Variants in MAGI1 observed in about 807,000 individuals in gnomAD.
The protein encoded by MAGI1 is membrane-associated guanylate kinase, WW and PDZ domain-containing protein 1.
MAGI1 carries 58 observed loss-of-function variants against 139.9 expected under a neutral mutation model. The ratio of observed to expected loss-of-function variants is 0.41; its 90% CI spans 0.34 to 0.52. The LOEUF is 0.52. Ranked by LOEUF, MAGI1 falls within the 20% of genes least tolerant of loss-of-function variation. The probability of loss-of-function intolerance (pLI) is 0.12; values close to 1 mark genes in which losing one functional copy is unlikely to be tolerated. For synonymous variants in MAGI1, 812 were observed against 737.9 expected (o/e 1.10, Z -1.63); for missense variants, 1,874 against 1,901.6 (o/e 0.99, Z 0.27).
At chr3:65,548,317 A>G (rs1238535546) in intron 2 of MAGI1, among the ~76,000 whole-genome samples, 1 of 152,024 alleles carries the variant, frequency 6.6e-6, no homozygotes. Flanking sequence ...ATGAGGGACA[A>G]GAGGGGCAGT....
chr3:65,551,100 T>G (rs770007337), intron 2 of MAGI1, among the ~76,000 whole-genome samples: 4 of 152,122 alleles, frequency 2.6e-5, no homozygotes, highest in Non-Finnish European at 5.9e-5. Flanking sequence ...AACTGGATCA[T>G]GGGGGCGATT....
rs144321979 is a variant in MAGI1, at chr3:65,768,703, G to C, written c.314-146615C>G. 9.8e-5 allele frequency among the ~76,000 whole-genome samples: 15 copies of C among 152,322 alleles called. No homozygotes were observed. In the East Asian group the frequency reaches 2.9e-3, roughly 29 times the overall value. On this transcript the variant is annotated intron_variant, in intron 1 of 22. Transcript: ENST00000402939. ...GATGAAATGCAGCAGTGGAGGCTCA[G>C]ATTTTTCCAGTTGTGGTAGAACACA...
intron 1 of MAGI1, among the ~76,000 whole-genome samples, chr3:65,736,814 C>T (rs755317933): frequency 6.6e-6 from 1 of 152,214 alleles, no homozygotes; most frequent in Non-Finnish European, 1.5e-5. Context: ...TCCAGAAACA[C>T]TCTTACAGAT....
At chr3:65,908,600 G>A (rs1360160484) in intron 1 of MAGI1, among the ~76,000 whole-genome samples, 5 of 152,242 alleles carry the variant, frequency 3.3e-5, no homozygotes, top group African/African-American at 4.8e-5. Flanking sequence ...TATTATTTCC[G>A]AATGAAACAA....
intron 5 of MAGI1, among the ~76,000 whole-genome samples, chr3:65,466,018 C>T (rs1404280449): frequency 6.6e-6 from 1 of 152,116 alleles, no homozygotes; most frequent in Non-Finnish European, 1.5e-5. Flanking sequence ...GCTGTTGAAT[C>T]CATCTACTAA....
intron 1 of MAGI1, among the ~76,000 whole-genome samples, chr3:65,766,921 G>C (rs1318925946): frequency 1.3e-5 from 2 of 152,080 alleles, no homozygotes; most frequent in Non-Finnish European, 2.9e-5. Context: ...ATAAGAGAAA[G>C]CACACTAGCC....
intron 1 of MAGI1, among the ~76,000 whole-genome samples, chr3:65,865,457 G>A (rs1394333096): frequency 2.0e-5 from 3 of 152,078 alleles, no homozygotes; most frequent in Non-Finnish European, 4.4e-5. Flanking sequence ...TTAGCCAGGC[G>A]TGGTGGCACA....
intron 1 of MAGI1, among the ~76,000 whole-genome samples, chr3:65,821,830 G>C (rs1171164104): frequency 1.3e-5 from 2 of 152,200 alleles, no homozygotes; most frequent in Admixed American, 6.5e-5. Context: ...AGAGGGCAGA[G>C]AGTGAGATGT....
At chr3:65,622,781 G>A (rs989497689) in intron 1 of MAGI1, among the ~76,000 whole-genome samples, 10 of 151,932 alleles carry the variant, frequency 6.6e-5, no homozygotes, top group South Asian at 2.1e-4. Context: ...AGAACAGGCT[G>A]GTCTCAAACT....
chr3:66,010,454 C>T (rs1045390055), intron 1 of MAGI1, among the ~76,000 whole-genome samples: 5 of 152,180 alleles, frequency 3.3e-5, no homozygotes, highest in Non-Finnish European at 7.3e-5. Flanking sequence ...GCCCAACAAG[C>T]CTGCTTCACT....
intron 4 of MAGI1, among the ~76,000 whole-genome samples, chr3:65,471,887 A>G (rs553730045): frequency 9.9e-5 from 15 of 152,254 alleles, no homozygotes; most frequent in African/African-American, 3.6e-4. Flanking sequence ...CAGGTGCTGG[A>G]GCCATCTTGA....
chr3:65,365,019 A>G (rs55638583), intron 18 of MAGI1, 73 bp from the exon 19 acceptor site: 479,520 of 1,179,802 alleles, frequency 0.41, 111,198 homozygotes, highest in Non-Finnish European at 0.49. Context: ...GGTGTGCAGA[A>G]GCCCTGTATC....
rs145506457 is a variant in MAGI1 at position 65,794,766 on chromosome 3, G to C, written c.314-172678C>G. Among the ~76,000 whole-genome samples, 444 of 151,454 alleles carry C rather than the reference G, an allele frequency of 2.9e-3. 3 individuals carry two copies. The highest frequency in any genetic ancestry group is 1.0e-2 in the African/African-American group (412 of 41,214). On this transcript the variant is annotated intron_variant, in intron 1 of 22. Transcript: ENST00000402939. The stretch of plus-strand genomic sequence containing the variant: ...GGAGCCCCACGATGACATGGGCCTT[G>C]GTCTTTTTGACTAAATCTTTTATGT...
intron 1 of MAGI1, among the ~76,000 whole-genome samples, chr3:65,907,029 G>C (rs2061465061): frequency 6.7e-6 from 1 of 149,882 alleles, no homozygotes; most frequent in Non-Finnish European, 1.5e-5. Context: ...CACAAATTCA[G>C]TGAGAAAAAT....
At chr3:65,786,159 T>G (rs889764947) in intron 1 of MAGI1, among the ~76,000 whole-genome samples, 3 of 151,820 alleles carry the variant, frequency 2.0e-5, no homozygotes, top group Non-Finnish European at 2.9e-5. Context: ...TTTCGCCTTG[T>G]TGGCCAGGCT....
chr3:65,445,999 G>A (rs538847343), intron 7 of MAGI1, among the ~76,000 whole-genome samples: 1 of 152,282 alleles, frequency 6.6e-6, no homozygotes, highest in South Asian at 2.1e-4. Context: ...CAGTGTGTGT[G>A]CACGTGTGCT....
intron 1 of MAGI1, among the ~76,000 whole-genome samples, chr3:65,831,553 G>A (rs1287873165): frequency 2.0e-5 from 3 of 152,144 alleles, no homozygotes; most frequent in African/African-American, 7.2e-5. Context: ...AAGGAGATTT[G>A]AAGACTGGCC....
chr3:65,964,348 G>A (rs138398995), intron 1 of MAGI1, among the ~76,000 whole-genome samples: 11 of 152,242 alleles, frequency 7.2e-5, no homozygotes, highest in African/African-American at 2.6e-4. Flanking sequence ...CCCTACAAAG[G>A]AGAAAGAAAG....
At chr3:65,488,173 T>C (rs1951747910) in intron 3 of MAGI1, among the ~76,000 whole-genome samples, 1 of 152,118 alleles carries the variant, frequency 6.6e-6, no homozygotes, top group Admixed American at 6.6e-5. Flanking sequence ...CCATGGCCCA[T>C]GCTGATTACT....
Sources: allele counts gnomAD v4.1 joint callset (sites outside exome capture counted in the v4.1 genomes callset), GRCh38; gene constraint gnomAD v4.1.1; transcripts MANE v1.5; gene names NCBI Gene and HGNC (gene_info 2026-07-23, HGNC 2026-07-21).